The following DENND1B variants were observed in gnomAD, a reference collection of about 807,000 sequenced individuals.
DENND1B encodes the protein DENN domain-containing protein 1B.
A neutral mutation model predicts 90.1 loss-of-function variants in DENND1B; 59 were observed. That is an observed-to-expected ratio of 0.65 (90% CI 0.53 to 0.81). The LOEUF (loss-of-function observed/expected upper bound fraction) is 0.81. Among genes scored for constraint, DENND1B ranks in the 40% least tolerant of loss-of-function variants. The pLI, the probability that DENND1B is intolerant of heterozygous loss-of-function variation, is 0.00. For missense variants in DENND1B, 862 were observed against 912.6 expected (o/e 0.94, Z 0.71); for synonymous variants, 337 against 324.6 (o/e 1.04, Z -0.41).
chr1:197,764,097 A>G (rs1275447416), intron 2 of DENND1B, among the ~76,000 whole-genome samples: 1 of 152,196 alleles, frequency 6.6e-6, no homozygotes, highest in African/African-American at 2.4e-5. Flanking sequence ...GCTGCAGAAG[A>G]TTTCACTGCT....
Position 197,511,745 on chromosome 1 carries a change from T to C in DENND1B, c.1798A>G (p.Ile600Val), listed in dbSNP as rs553628348. 103 of 1,605,976 alleles carry C rather than the reference T, an allele frequency of 6.4e-5. No individual in the cohort carries two copies. In the East Asian group the frequency reaches 1.9e-3, roughly 30 times the overall value. Residue 600 changes from isoleucine to valine, a missense_variant, in exon 22 of 23, where the codon ATT becomes GTT. By Grantham distance (29) the Ile-to-Val change is conservative (BLOSUM62 3). Coordinates refer to ENST00000620048, the MANE Select transcript of DENND1B (RefSeq NM_001195215.2). ...SLDFFRSMDDIDYKPTNKSNA... is the reference protein window; with the variant it reads ...SLDFFRSMDDVDYKPTNKSNA... Reference sequence around the variant, plus strand: ...CTACTAACCGTAGGTTTGTAATCAATGTCATCCATTGATCTAAAGAAATCC... The same window carrying C: ...CTACTAACCGTAGGTTTGTAATCAACGTCATCCATTGATCTAAAGAAATCC...
chr1:197,779,249 C>T (rs1657372766), upstream of DENND1B, among the ~76,000 whole-genome samples: 2 of 152,186 alleles, frequency 1.3e-5, no homozygotes, highest in South Asian at 4.1e-4. Context: ...AATATCATTA[C>T]ACTGTCTTCT....
intron 2 of DENND1B, among the ~76,000 whole-genome samples, chr1:197,749,045 G>A (rs1653095158): frequency 6.6e-6 from 1 of 151,980 alleles, no homozygotes; most frequent in Non-Finnish European, 1.5e-5. Context: ...GGATACTGTA[G>A]AATAAAAGAT....
chr1:197,750,569 C>T (rs1314181303), intron 2 of DENND1B, among the ~76,000 whole-genome samples: 1 of 88,544 alleles, frequency 1.1e-5, no homozygotes, highest in African/African-American at 4.1e-5. Context: ...GAAAAGCAAA[C>T]CTAGATAGAT....
rs1667783445 is a variant in DENND1B at position 197,507,483 on chromosome 1, T to G, written c.*2977A>C. ...AGCTCCTAAATTCCAATATTATTTC[T>G]CTATACCCCTGAAATACCACGGATG... On this transcript the variant is annotated 3_prime_UTR_variant, in exon 23 of 23. Transcript: ENST00000620048. 1 of 151,404 alleles carries G rather than the reference T, an allele frequency of 6.6e-6. No homozygotes were observed. Among genetic ancestry groups the G allele is most frequent in the African/African-American group, 2.4e-5 (1 of 41,324 alleles). 9.4% of individuals were successfully genotyped at this position (151,404 alleles called of 1,614,324 possible). A position where few individuals can be genotyped will look rare whatever the true frequency, so the allele number is the denominator to read the frequency against.
chr1:197,747,872 T>C (rs1174562543), intron 2 of DENND1B, among the ~76,000 whole-genome samples: 3 of 152,238 alleles, frequency 2.0e-5, no homozygotes, highest in Non-Finnish European at 4.4e-5. Flanking sequence ...ACACAAATTA[T>C]TGATGCTCAT....
chr1:197,536,195 G>GAGATC (rs1356277776), intron 20 of DENND1B, among the ~76,000 whole-genome samples: 2 of 149,016 alleles, frequency 1.3e-5, no homozygotes, highest in Non-Finnish European at 3.0e-5. Context: ...GAGATGACAT[G>GAGATC]AGATGAGTAG....
chr1:197,557,165 G>C (rs1671785233), intron 15 of DENND1B, among the ~76,000 whole-genome samples: 1 of 151,890 alleles, frequency 6.6e-6, no homozygotes, highest in African/African-American at 2.4e-5. Flanking sequence ...AATTTGACTT[G>C]CACACATTTG....
At chr1:197,574,890 T>C (rs1673520506) in intron 15 of DENND1B, among the ~76,000 whole-genome samples, 1 of 152,208 alleles carries the variant, frequency 6.6e-6, no homozygotes, top group Non-Finnish European at 1.5e-5. Flanking sequence ...GTTAGCCATA[T>C]GTAAAAAGCT....
intron 5 of DENND1B, among the ~76,000 whole-genome samples, chr1:197,670,769 T>G (rs1427507267): frequency 6.6e-6 from 1 of 151,980 alleles, no homozygotes; most frequent in Non-Finnish European, 1.5e-5. Context: ...GAAACAATGA[T>G]AAAAGGAACT....
chr1:197,718,348 G>T (rs1660838209), intron 2 of DENND1B, among the ~76,000 whole-genome samples: 1 of 149,158 alleles, frequency 6.7e-6, no homozygotes, highest in African/African-American at 2.5e-5. Flanking sequence ...GTATCCTGTA[G>T]GAACATTTGA....
chr1:197,584,596 AC>A (rs1674530225), intron 14 of DENND1B, among the ~76,000 whole-genome samples: 1 of 152,184 alleles, frequency 6.6e-6, no homozygotes, highest in Non-Finnish European at 1.5e-5. Context: ...AAGTGGTGTC[AC>A]CTACCATCAG....
At chr1:197,762,692 C>T (rs1346844676) in intron 2 of DENND1B, among the ~76,000 whole-genome samples, 1 of 152,012 alleles carries the variant, frequency 6.6e-6, no homozygotes, top group African/African-American at 2.4e-5. Flanking sequence ...TTTTGACCTA[C>T]CTTGCCTCAT....
chr1:197,506,394 C>T lies in DENND1B; in HGVS notation c.*4066G>A, dbSNP rs1282743923. ...GACATAGGGTTTGTAAAAACTATTT[C>T]CTACATTAAGAAGTGCTTTGGAGGA... On this transcript the variant is annotated 3_prime_UTR_variant, in exon 23 of 23. Coordinates refer to ENST00000620048, the MANE Select transcript of DENND1B (RefSeq NM_001195215.2). The T allele has an allele frequency of 6.6e-6, 1 of 151,448 alleles. No individual in the cohort carries two copies. Among genetic ancestry groups the T allele is most frequent in the Non-Finnish European group, 1.5e-5 (1 of 67,588 alleles). 9.4% of individuals were successfully genotyped at this position (151,448 alleles called of 1,614,324 possible).
Position 197,775,230 on chromosome 1 carries a change from G to C in DENND1B, c.-75C>G, listed in dbSNP as rs950334107. The stretch of plus-strand genomic sequence containing the variant: ...GGAAGCCCGCAGCCCGGCCGCGCGA[G>C]GGTCGCGCCGTCCCCGCCCACGCCG... On this transcript the variant is annotated 5_prime_UTR_variant, in exon 1 of 23. Coordinates refer to ENST00000620048, the MANE Select transcript of DENND1B (RefSeq NM_001195215.2). The C allele has an allele frequency of 8.6e-7, 1 of 1,161,950 alleles. No individual in the cohort carries two copies. Among genetic ancestry groups the C allele is most frequent in the African/African-American group, 1.6e-5 (1 of 61,986 alleles). 72.0% of individuals were successfully genotyped at this position (1,161,950 alleles called of 1,614,324 possible). A position where few individuals can be genotyped will look rare whatever the true frequency, so the allele number is the denominator to read the frequency against.
intron 18 of DENND1B, 106 bp from the exon 19 acceptor site, chr1:197,541,121 T>C: frequency 9.7e-7 from 1 of 1,027,072 alleles, no homozygotes; most frequent in Non-Finnish European, 1.5e-6. Flanking sequence ...ATTCATATGA[T>C]TTAGAAAAAG....
At chr1:197,606,971 A>C in intron 13 of DENND1B, 102 bp downstream of exon 13, 1 of 820,462 alleles carries the variant, frequency 1.2e-6, no homozygotes. Context: ...GCAAATACCC[A>C]ACCCTTTTAT....
intron 2 of DENND1B, chr1:197,735,633 G>A (rs377029041): frequency 3.1e-6 from 5 of 1,614,034 alleles, no homozygotes; most frequent in East Asian, 2.2e-5. Context: ...TGGAGCTGCC[G>A]CCATGAAGGT....
chr1:197,626,216 T>C (rs2125883814), intron 10 of DENND1B, among the ~76,000 whole-genome samples: 1 of 152,128 alleles, frequency 6.6e-6, no homozygotes, highest in South Asian at 2.1e-4. Context: ...CAACAGAATA[T>C]ACATTTTTTT....
Sources: allele counts gnomAD v4.1 joint callset (sites outside exome capture counted in the v4.1 genomes callset), GRCh38; gene constraint gnomAD v4.1.1; transcripts MANE v1.5; gene names NCBI Gene and HGNC (gene_info 2026-07-23, HGNC 2026-07-21).